Variants in CRB1 observed in about 807,000 individuals in gnomAD.
CRB1 encodes crumbs cell polarity complex component 1, also known as protein crumbs homolog 1.
In CRB1, 83 loss-of-function variants were observed where a neutral mutation model predicts 120.0. The observed-to-expected ratio is 0.69, with a 90% CI of 0.58 to 0.83. CRB1 has a LOEUF of 0.83. Among genes scored for constraint, CRB1 ranks in the 40% least tolerant of loss-of-function variants. CRB1 has a pLI of 0.00. For synonymous variants in CRB1, 625 were observed against 612.5 expected, an observed-to-expected ratio of 1.02 and a Z score of -0.30; for missense variants, 1,699 against 1,687.6, an observed-to-expected ratio of 1.01 and a Z score of -0.12.
the CRB1 span, among the ~76,000 whole-genome samples, chr1:197,225,377 G>A: frequency 6.6e-6 from 1 of 152,126 alleles, no homozygotes. Flanking sequence ...TAAATTAATA[G>A]AACTTCTTTA....
the CRB1 span, among the ~76,000 whole-genome samples, chr1:197,205,808 A>G: frequency 6.6e-6 from 1 of 151,616 alleles, no homozygotes; most frequent in Non-Finnish European, 1.5e-5. Flanking sequence ...TTGTGGAATA[A>G]TGTCAATAGG....
the CRB1 span, among the ~76,000 whole-genome samples, chr1:197,252,614 GAT>G: frequency 1.0e-3 from 102 of 97,358 alleles, 1 homozygote; most frequent in African/African-American, 2.7e-3. Flanking sequence ...GTGTGTGTGT[GAT>G]ATATATATGT....
chr1:197,219,457 C>G, the CRB1 span, among the ~76,000 whole-genome samples: 2 of 152,210 alleles, frequency 1.3e-5, no homozygotes, highest in Non-Finnish European at 2.9e-5. Flanking sequence ...AAGAGACAAT[C>G]CATGAGACAC....
chr1:197,334,355 C>T (rs1462073726), intron 2 of CRB1, among the ~76,000 whole-genome samples: 2 of 152,166 alleles, frequency 1.3e-5, no homozygotes, highest in Non-Finnish European at 2.9e-5. Flanking sequence ...GAGTGATTGC[C>T]TCCTCCAATA....
At chr1:197,270,919 A>T (rs2125197973) in intron 1 of CRB1, among the ~76,000 whole-genome samples, 1 of 152,328 alleles carries the variant, frequency 6.6e-6, no homozygotes, top group East Asian at 1.9e-4. Context: ...AATGTCCATT[A>T]TCCAGGTATG....
chr1:197,434,178 A>T (rs1158305812), intron 8 of CRB1, among the ~76,000 whole-genome samples: 1 of 152,162 alleles, frequency 6.6e-6, no homozygotes, highest in Non-Finnish European at 1.5e-5. Context: ...TAAGTAAATC[A>T]GTCATTTGGA....
chr1:197,325,257 A>G (rs1450500070), intron 1 of CRB1, among the ~76,000 whole-genome samples: 9 of 152,196 alleles, frequency 5.9e-5, no homozygotes, highest in Admixed American at 5.9e-4. Context: ...AAGCCAGGCT[A>G]AAGAGAATTC....
Position 197,435,478 on chromosome 1 carries a change from A to T in CRB1, c.3615A>T (p.Gly1205=). The change falls in exon 9 of 12, where the codon GGA becomes GGT. Residue 1205 remains glycine (G), a synonymous_variant. Transcript: ENST00000367400. ...CCTACCACTGCACATGTGAGCCTGG[A>T]TACACTGGTGTGAACTGTGAAGTGG... ...VAAYHCTCEP[G]YTGVNCEVDI... 1 of 1,603,150 alleles carries T rather than the reference A, an allele frequency of 6.2e-7. No individual in the cohort carries two copies. The highest frequency in any genetic ancestry group is 8.5e-7 in the Non-Finnish European group (1 of 1,174,348).
At chr1:197,473,845 T>C (rs1190152328) in intron 11 of CRB1, among the ~76,000 whole-genome samples, 2 of 145,142 alleles carry the variant, frequency 1.4e-5, no homozygotes, top group East Asian at 4.0e-4. Context: ...AGTTGAAGAA[T>C]AGTGGAGCAA....
At position 197,449,194 on chromosome 1, in the gene CRB1, A is replaced by G. The variant is rs373633058; in HGVS notation, c.4005+6902A>G. 2.6e-5 allele frequency among the ~76,000 whole-genome samples: 4 copies of G among 152,212 alleles called. No homozygotes were observed. The South Asian group carries it at 6.2e-4, about 24-fold the overall frequency. On this transcript the variant is annotated intron_variant, in intron 11 of 11. Coordinates refer to ENST00000367400, the MANE Select transcript of CRB1 (RefSeq NM_201253.3). The stretch of plus-strand genomic sequence containing the variant: ...TCCTTTTCAGTTAATTCCAACACCT[A>G]GGTCATTTTGTGATTGGTCACCATT...
At chr1:197,390,696 A>C (rs916457274) in intron 5 of CRB1, among the ~76,000 whole-genome samples, 7 of 152,124 alleles carry the variant, frequency 4.6e-5, no homozygotes, top group African/African-American at 1.4e-4. Flanking sequence ...AATACAAAAA[A>C]ATTTTAAAGA....
At chr1:197,207,930 T>G in the CRB1 span, among the ~76,000 whole-genome samples, 10 of 152,056 alleles carry the variant, frequency 6.6e-5, no homozygotes, top group African/African-American at 2.4e-4. Context: ...TATTTTTTCT[T>G]TGTTTTGGTT....
At chr1:197,453,935 TA>T in intron 11 of CRB1, among the ~76,000 whole-genome samples, 3 of 30,790 alleles carry the variant, frequency 9.7e-5, no homozygotes, top group Admixed American at 7.0e-4. Context: ...ATTATATTAT[TA>T]ATAATATATA....
the CRB1 span, among the ~76,000 whole-genome samples, chr1:197,218,449 A>T: frequency 6.6e-6 from 1 of 152,216 alleles, no homozygotes; most frequent in African/African-American, 2.4e-5. Context: ...AGTGCCAGTC[A>T]TGTAAAGTAT....
intron 11 of CRB1, among the ~76,000 whole-genome samples, chr1:197,470,057 A>G (rs1334870092): frequency 1.3e-5 from 2 of 152,166 alleles, no homozygotes; most frequent in South Asian, 2.1e-4. Context: ...AAAAATCCCA[A>G]GAGGAAGAAG....
At chr1:197,364,081 G>T in intron 5 of CRB1, 1 of 1,269,632 alleles carries the variant, frequency 7.9e-7, no homozygotes, top group South Asian at 1.4e-5. Context: ...GGGCTGCTGA[G>T]GCGGGCAGAT....
At chr1:197,394,008 C>A (rs909847085) in intron 5 of CRB1, among the ~76,000 whole-genome samples, 1 of 151,992 alleles carries the variant, frequency 6.6e-6, no homozygotes, top group African/African-American at 2.4e-5. Flanking sequence ...AAATTTATAG[C>A]GGTTTGGGTG....
chr1:197,202,007 C>T, the CRB1 span, among the ~76,000 whole-genome samples: 1 of 152,040 alleles, frequency 6.6e-6, no homozygotes, highest in Non-Finnish European at 1.5e-5. Flanking sequence ...TTTCTGAGTC[C>T]CAGGAGGTGC....
Position 197,276,828 on chromosome 1 carries a change from T to C in CRB1, c.70+8346T>C, listed in dbSNP as rs571522398. Among the ~76,000 whole-genome samples the C allele has an allele frequency of 4.2e-4, 64 of 152,008 alleles. No homozygotes were observed. The South Asian group carries it at 0.013, about 30-fold the overall frequency. ...TCATTCTTGCAATCATACTACATAG[T>C]AGCTATTAAGACCATTAGGACACCT... On this transcript the variant is annotated intron_variant, in intron 1 of 11. Transcript: ENST00000367400.
Sources: gnomAD v4.1 joint callset for allele counts (sites outside exome capture counted in the v4.1 genomes callset) on GRCh38, gnomAD v4.1.1 for gene constraint, MANE v1.5 for transcripts, NCBI Gene and HGNC (gene_info 2026-07-23, HGNC 2026-07-21) for gene names.